Variants in DOCK11 observed in about 807,000 individuals in gnomAD.
The protein encoded by DOCK11 is dedicator of cytokinesis 11.
In DOCK11, 70 loss-of-function variants were observed where a neutral mutation model predicts 169.1. That is an observed-to-expected ratio of 0.41 (90% CI 0.34 to 0.51). The LOEUF is 0.51. Ranked by LOEUF, DOCK11 falls within the 20% of genes least tolerant of loss-of-function variation. DOCK11 has a pLI of 0.10. For missense variants in DOCK11, 1,166 were observed against 1,538.8 expected (o/e 0.76, Z 4.05); for synonymous variants, 529 against 541.3 (o/e 0.98, Z 0.32).
intron 35 of DOCK11, among the ~76,000 whole-genome samples, chrX:118,631,913 GAC>G (rs1251039744): frequency 2.7e-5 from 3 of 110,501 alleles, no homozygotes; most frequent in Non-Finnish European, 3.8e-5. Flanking sequence ...ACTAACCAGA[GAC>G]AAGTCTCTGG....
intron 1 of DOCK11, among the ~76,000 whole-genome samples, chrX:118,512,045 C>T (rs1311308354): frequency 1.8e-5 from 2 of 112,156 alleles, no homozygotes; most frequent in Non-Finnish European, 3.8e-5. Context: ...TCCCGAGTAG[C>T]TGGGACTACA....
At chrX:118,578,472 A>G in intron 12 of DOCK11, 53 bp from the exon 13 acceptor site, 2 of 1,182,532 alleles carry the variant, frequency 1.7e-6, no homozygotes. Flanking sequence ...ACCATAAACA[A>G]CCATATGCAC....
At position 118,593,937 on chromosome X, in the gene DOCK11, A is replaced by G. The variant is rs143041546; in HGVS notation, c.2263+600A>G. 1.2e-4 allele frequency among the ~76,000 whole-genome samples: 14 copies of G among 112,344 alleles called. No individual in the cohort carries two copies. The East Asian group carries it at 3.3e-3, about 27-fold the overall frequency. On this transcript the variant is annotated intron_variant, in intron 20 of 52. Transcript: ENST00000276202. ...ATAAGCAACATAAAGTAATATTGCT[A>G]TTCTCAAAAAGAAACACATATTGCG...
intron 16 of DOCK11, 61 bp from the exon 17 acceptor site, chrX:118,588,076 C>A: frequency 1.1e-6 from 1 of 922,733 alleles, no homozygotes; most frequent in Non-Finnish European, 1.5e-6. Context: ...TTTATACATG[C>A]AGGAATGTGT....
chrX:118,670,326 A>G (rs1320138183), intron 45 of DOCK11, among the ~76,000 whole-genome samples: 1 of 111,834 alleles, frequency 8.9e-6, no homozygotes, highest in Non-Finnish European at 1.9e-5. Flanking sequence ...TACGGGTAGC[A>G]TCAGTAATTG....
At chrX:118,666,960 C>T (rs185392146) in intron 45 of DOCK11, among the ~76,000 whole-genome samples, 272 of 111,451 alleles carry the variant, frequency 2.4e-3, no homozygotes, top group Middle Eastern at 4.7e-3. Flanking sequence ...ATTTGTATTT[C>T]CCTAATAACC....
chrX:118,681,483 T>G (rs745325784), intron 50 of DOCK11, among the ~76,000 whole-genome samples: 7 of 112,841 alleles, frequency 6.2e-5, no homozygotes, highest in Non-Finnish European at 1.3e-4. Flanking sequence ...TGTATGTACA[T>G]ATCAGAAATC....
intron 31 of DOCK11, among the ~76,000 whole-genome samples, chrX:118,621,284 G>T (rs888314302): frequency 8.9e-5 from 10 of 111,932 alleles, no homozygotes; most frequent in Non-Finnish European, 5.6e-5. Context: ...ATTGGATGAG[G>T]ATATAAAAGG....
chrX:118,591,661 T>A (rs1219166847), intron 19 of DOCK11, among the ~76,000 whole-genome samples: 1 of 105,105 alleles, frequency 9.5e-6, no homozygotes, highest in Non-Finnish European at 2.0e-5. Flanking sequence ...CTTTAAGTTT[T>A]AGGATACATG....
At position 118,676,449 on chromosome X, in the gene DOCK11, G is replaced by T. The variant is rs73637812; in HGVS notation, c.5314-142G>T. 1,741 of 353,497 alleles carry T rather than the reference G, an allele frequency of 4.9e-3. 21 individuals carry two copies. The highest frequency in any genetic ancestry group is 0.04 in the African/African-American group (1,493 of 37,748). The allele number at this position is 353,497 out of a possible 1,213,427, so 29.1% of individuals were successfully genotyped here. Reference sequence around the variant, plus strand: ...TTCTCATGTATTTGAAATTAAAAGGGTAAATACAAGCATGGGACTTTTAGT... The same window carrying T: ...TTCTCATGTATTTGAAATTAAAAGGTTAAATACAAGCATGGGACTTTTAGT... On this transcript the variant is annotated intron_variant, in intron 47 of 52. Transcript: ENST00000276202.
chrX:118,532,725 G>A (rs946412874), intron 1 of DOCK11, among the ~76,000 whole-genome samples: 6 of 101,456 alleles, frequency 5.9e-5, no homozygotes, highest in Non-Finnish European at 1.2e-4. Flanking sequence ...AGCTTGCAGT[G>A]AGCCGAGATC....
At chrX:118,505,022 A>ATTTGT (rs2057601532) in intron 1 of DOCK11, among the ~76,000 whole-genome samples, 1 of 111,871 alleles carries the variant, frequency 8.9e-6, no homozygotes, top group African/African-American at 3.2e-5. Flanking sequence ...TAAATGAGTT[A>ATTTGT]TTTGTTTTGT....
At chrX:118,510,111 TATTCACAG>T (rs377322908) in intron 1 of DOCK11, among the ~76,000 whole-genome samples, 318 of 112,118 alleles carry the variant, frequency 2.8e-3, no homozygotes, top group African/African-American at 9.6e-3. Context: ...TAAAGTAACA[TATTCACAG>T]GTTCCACGGA....
chrX:118,605,153 A>G, intron 23 of DOCK11, 85 bp from the exon 24 acceptor site: 2 of 577,364 alleles, frequency 3.5e-6, no homozygotes, highest in South Asian at 5.9e-5. Context: ...TGTATTTCTC[A>G]CTACTTAATT....
chrX:118,575,947 T>C (rs746143512), intron 12 of DOCK11, among the ~76,000 whole-genome samples: 1 of 111,899 alleles, frequency 8.9e-6, no homozygotes, highest in Non-Finnish European at 1.9e-5. Context: ...AGATCTCCTG[T>C]GTGCCAACAT....
intron 1 of DOCK11, among the ~76,000 whole-genome samples, chrX:118,531,563 ATATT>A (rs1177426577): frequency 1.0e-5 from 1 of 99,083 alleles, no homozygotes; most frequent in African/African-American, 4.1e-5. Flanking sequence ...ATATATATAT[ATATT>A]GTTTTTTTGA....
At chrX:118,657,492 T>G (rs1202083402) in intron 44 of DOCK11, among the ~76,000 whole-genome samples, 1 of 112,052 alleles carries the variant, frequency 8.9e-6, no homozygotes, top group African/African-American at 3.2e-5. Flanking sequence ...CCATGGTGGT[T>G]TGCTGATGCC....
intron 7 of DOCK11, among the ~76,000 whole-genome samples, chrX:118,562,555 A>G (rs930135892): frequency 1.8e-5 from 2 of 111,710 alleles, no homozygotes; most frequent in Non-Finnish European, 3.8e-5. Flanking sequence ...TTTTGCCCTG[A>G]CATTGAAGGC....
rs2014646250 is a variant in DOCK11, at chrX:118,610,254, G to A, written c.2950-18G>A. 1 of 1,209,261 alleles carries A rather than the reference G, an allele frequency of 8.3e-7. No homozygotes were observed. Among genetic ancestry groups the A allele is most frequent in the South Asian group, 1.8e-5 (1 of 56,748 alleles). The stretch of plus-strand genomic sequence containing the variant: ...CCTTTTGGAAGTCTGACTTTTTTCT[G>A]TGCCTATTTCATTTCAGCTTCCCCG... On this transcript the variant is annotated intron_variant, in intron 27 of 52. Transcript: ENST00000276202.
Sources: gnomAD v4.1 joint callset for allele counts (sites outside exome capture counted in the v4.1 genomes callset) on GRCh38, gnomAD v4.1.1 for gene constraint, MANE v1.5 for transcripts, NCBI Gene and HGNC (gene_info 2026-07-23, HGNC 2026-07-21) for gene names.